Variants in BRD10 observed in about 807,000 individuals in gnomAD.
BRD10 encodes the protein bromodomain containing 10, also known as uncharacterized bromodomain-containing protein 10.
chr9:5,912,424 C>T, the BRD10 span, among the ~76,000 whole-genome samples: 1 of 150,890 alleles, frequency 6.6e-6, no homozygotes, highest in Non-Finnish European at 1.5e-5. Flanking sequence ...CCTAACCCAT[C>T]TAAGAACACT....
the BRD10 span, among the ~76,000 whole-genome samples, chr9:5,971,927 AT>A: frequency 1.3e-5 from 2 of 152,154 alleles, no homozygotes; most frequent in East Asian, 1.9e-4. Flanking sequence ...GGAAAAAAAA[AT>A]CTTAAGAATT....
chr9:5,986,521 G>C, the BRD10 span, among the ~76,000 whole-genome samples: 2 of 152,134 alleles, frequency 1.3e-5, no homozygotes, highest in East Asian at 3.8e-4. Flanking sequence ...AATGGTTCTA[G>C]ATCTTTCAGG....
chr9:5,967,010 G>C, the BRD10 span, among the ~76,000 whole-genome samples: 1 of 152,102 alleles, frequency 6.6e-6, no homozygotes, highest in Non-Finnish European at 1.5e-5. Flanking sequence ...ACATTCAATT[G>C]TATTTAATGA....
the BRD10 span, chr9:5,907,100 C>T: frequency 4.2e-6 from 3 of 718,094 alleles, no homozygotes; most frequent in South Asian, 7.3e-5. Flanking sequence ...TGTGAATGTA[C>T]TCATTGCCAC....
chr9:5,954,195 C>T, the BRD10 span: 12 of 668,552 alleles, frequency 1.8e-5, no homozygotes, highest in Non-Finnish European at 2.9e-5. Context: ...TTGTAACTAA[C>T]AGATGGCTGC....
At chr9:5,993,312 T>TAAAAAAAAAAAAAA in the BRD10 span, among the ~76,000 whole-genome samples, 1 of 116,676 alleles carries the variant, frequency 8.6e-6, no homozygotes, top group Non-Finnish European at 1.6e-5. Flanking sequence ...GAGACTCCAT[T>TAAAAAAAAAAAAAA]AAAAAAAAAA....
At chr9:5,978,466 A>G in the BRD10 span, among the ~76,000 whole-genome samples, 1 of 152,034 alleles carries the variant, frequency 6.6e-6, no homozygotes, top group Non-Finnish European at 1.5e-5. Flanking sequence ...AAAGGGAAGC[A>G]AGATATTTAT....
the BRD10 span, among the ~76,000 whole-genome samples, chr9:5,985,296 A>G: frequency 6.6e-6 from 1 of 152,204 alleles, no homozygotes; most frequent in East Asian, 1.9e-4. Context: ...AAAACTTAAA[A>G]AATTCTAGAA....
At chr9:5,907,854 G>A in the BRD10 span, among the ~76,000 whole-genome samples, 4 of 152,344 alleles carry the variant, frequency 2.6e-5, no homozygotes, top group South Asian at 2.1e-4. Flanking sequence ...TTGGGACGCT[G>A]AGGCAGGAGA....
the BRD10 span, chr9:5,933,654 T>G: frequency 2.5e-6 from 1 of 393,176 alleles, no homozygotes; most frequent in East Asian, 7.2e-5. Flanking sequence ...TAAGGAATCA[T>G]AAAGGAAAAT....
At chr9:5,882,714 G>T in the BRD10 span, among the ~76,000 whole-genome samples, 1 of 151,930 alleles carries the variant, frequency 6.6e-6, no homozygotes, top group Admixed American at 6.6e-5. Flanking sequence ...CCTCAGTGTG[G>T]CGATTCCTCA....
the BRD10 span, chr9:5,921,880 T>C: frequency 8.7e-6 from 14 of 1,613,830 alleles, no homozygotes; most frequent in Admixed American, 3.3e-5. Flanking sequence ...TGTGGCCTAA[T>C]GTAAGTTTGA....
the BRD10 span, among the ~76,000 whole-genome samples, chr9:5,906,500 G>T: frequency 2.0e-5 from 3 of 152,202 alleles, no homozygotes; most frequent in Admixed American, 2.0e-4. Context: ...TACTGGCAAT[G>T]AATTCCCTCA....
chr9:6,006,946 A>C, the BRD10 span, among the ~76,000 whole-genome samples: 1 of 152,134 alleles, frequency 6.6e-6, no homozygotes, highest in African/African-American at 2.4e-5. Context: ...ACATCTGCAA[A>C]CTATACCCAG....
the BRD10 span, among the ~76,000 whole-genome samples, chr9:6,000,076 G>C: frequency 6.6e-6 from 1 of 152,040 alleles, no homozygotes; most frequent in East Asian, 1.9e-4. Context: ...AGGACATATA[G>C]AAAAGTTAAA....
At chr9:5,936,266 G>C in the BRD10 span, among the ~76,000 whole-genome samples, 1 of 152,140 alleles carries the variant, frequency 6.6e-6, no homozygotes, top group Non-Finnish European at 1.5e-5. Context: ...TGAGGTGGGA[G>C]GACTGCTTGA....
chr9:5,991,157 ATG>A, the BRD10 span, among the ~76,000 whole-genome samples: 164 of 119,330 alleles, frequency 1.4e-3, 2 homozygotes, highest in East Asian at 0.014. Context: ...ATATATGTGC[ATG>A]TGTGTTTTGT....
At chr9:5,922,803 C>A in the BRD10 span, 2 of 1,613,962 alleles carry the variant, frequency 1.2e-6, no homozygotes, top group African/African-American at 1.3e-5. Flanking sequence ...ATTTTGTATA[C>A]CATTTGTAAA....
chr9:5,919,780 G>C, the BRD10 span: 1 of 1,613,810 alleles, frequency 6.2e-7, no homozygotes, highest in Non-Finnish European at 8.5e-7. Context: ...CAATCTGAGA[G>C]AGAGATGGAG....
Sources: gnomAD v4.1 joint callset for allele counts (sites outside exome capture counted in the v4.1 genomes callset) on GRCh38, gnomAD v4.1.1 for gene constraint, MANE v1.5 for transcripts, NCBI Gene and HGNC (gene_info 2026-07-23, HGNC 2026-07-21) for gene names.